The following SATB2 variants were observed in gnomAD, a reference collection of about 807,000 sequenced individuals.
The protein encoded by SATB2 is SATB homeobox 2.
A neutral mutation model predicts 73.4 loss-of-function variants in SATB2; 1 was observed. That is an observed-to-expected ratio of 0.01 (90% CI 0.00 to 0.06). The LOEUF is 0.06. Ranked by LOEUF, SATB2 falls within the 10% of genes least tolerant of loss-of-function variation. SATB2 has a pLI of 1.00. For synonymous variants in SATB2, 397 were observed against 367.0 expected (o/e 1.08, Z -0.93); for missense variants, 459 against 945.8 (o/e 0.49, Z 6.75).
rs1689082190 is a variant in SATB2, at chr2:199,359,652, T to G, written c.700+8953A>C. On this transcript the variant is annotated intron_variant, in intron 6 of 10. Transcript: ENST00000417098. ...AATATTTACTAAGTATTCACTGTGT[T>G]TAAGGCCTCATGCTCACAGGACTCT... is the stretch of plus-strand genomic sequence containing the variant. Among the ~76,000 whole-genome samples, 3 of 152,312 alleles carry G rather than the reference T, an allele frequency of 2.0e-5. No homozygotes were observed. In the South Asian group the frequency reaches 6.2e-4, roughly 32 times the overall value.
rs1172471732 is a variant in SATB2 at position 199,463,916 on chromosome 2, C to T, written c.-141+920G>A. ...CTCAGGCAGCCGGGTGCAAGGGGGC[C>T]CAAACCGCAGTTGCCTCCCGAACGC... On this transcript the variant is annotated intron_variant, in intron 1 of 11. Coordinates refer to the SATB2 transcript ENST00000260926. This position sits in a 1 kb window ranked among gnomAD's most constrained non-coding sequence, Gnocchi z 6.4. 6.6e-6 allele frequency among the ~76,000 whole-genome samples: 1 copy of T among 152,166 alleles called. No individual in the cohort carries two copies. The highest frequency in any genetic ancestry group is 2.4e-5 in the African/African-American group (1 of 41,444).
intron 10 of SATB2, among the ~76,000 whole-genome samples, chr2:199,301,701 T>C (rs1687294721): frequency 6.6e-6 from 1 of 152,022 alleles, no homozygotes; most frequent in Admixed American, 6.6e-5. Flanking sequence ...TAAAAAGTCA[T>C]GAGGTAGAGC....
intron 2 of SATB2, among the ~76,000 whole-genome samples, chr2:199,438,643 C>A (rs1303950383): frequency 6.6e-6 from 1 of 152,142 alleles, no homozygotes; most frequent in Non-Finnish European, 1.5e-5. Context: ...AATGTTTAAC[C>A]CAACAATGAA....
In SATB2 at chr2:199,308,574, G is replaced by GCACACACA. The variant is rs777414801; in HGVS notation, c.1740+178_1740+185dup. Among the ~76,000 whole-genome samples, 1 of 150,276 alleles carries GCACACACA rather than the reference G, an allele frequency of 6.7e-6. No individual in the cohort carries two copies. The highest frequency in any genetic ancestry group is 2.5e-5 in the African/African-American group (1 of 40,438). On this transcript the variant is annotated intron_variant, in intron 10 of 10. Transcript: ENST00000417098. The surrounding 1 kb of genome is among the most constrained non-coding windows in gnomAD (Gnocchi z 4.6). ...TACACACACACACACGCACGCACAT[G>GCACACACA]CACACACACACACATACACATACAC...
rs10189406 is a variant in SATB2, at chr2:199,359,857, C to T, written c.700+8748G>A. ...GTTAGAACTCATAGTCTGATTTGTA[C>T]TCTAGATGATTATAGATTCATGTCT... is the stretch of plus-strand genomic sequence containing the variant. On this transcript the variant is annotated intron_variant, in intron 6 of 10. Coordinates refer to ENST00000417098, the MANE Select transcript of SATB2 (RefSeq NM_001172509.2). Among the ~76,000 whole-genome samples the T allele has an allele frequency of 6.3e-3, 960 of 152,250 alleles. 17 individuals carry two copies. The highest frequency in any genetic ancestry group is 0.022 in the African/African-American group (919 of 41,542).
chr2:199,343,905 G>A (rs1688577218), intron 7 of SATB2, among the ~76,000 whole-genome samples: 1 of 152,040 alleles, frequency 6.6e-6, no homozygotes, highest in Non-Finnish European at 1.5e-5. Context: ...TTATAACTTG[G>A]CACTTGAAAG....
At chr2:199,387,702 C>A (rs1395436975) in intron 3 of SATB2, among the ~76,000 whole-genome samples, 1 of 152,114 alleles carries the variant, frequency 6.6e-6, no homozygotes, top group East Asian at 1.9e-4. Context: ...CCGTCTATAT[C>A]CAGACAAATC....
upstream of SATB2, chr2:199,467,344 AAG>A (rs1244027746): frequency 6.6e-6 from 1 of 152,292 alleles, no homozygotes; most frequent in Admixed American, 6.5e-5. Flanking sequence ...CGTGGCGAAA[AAG>A]GGGGAGGCAA....
At chr2:199,417,031 GTC>G (rs1177456541) in intron 3 of SATB2, among the ~76,000 whole-genome samples, 20 of 90,496 alleles carry the variant, frequency 2.2e-4, no homozygotes, top group African/African-American at 6.1e-4. Flanking sequence ...GTGAGACTCC[GTC>G]TCTCACACAC....
chr2:199,422,313 T>C (rs1691196746), intron 3 of SATB2, among the ~76,000 whole-genome samples: 1 of 151,512 alleles, frequency 6.6e-6, no homozygotes, highest in African/African-American at 2.4e-5. Context: ...TTTTTTTTTT[T>C]GTAATTAACA....
intron 3 of SATB2, among the ~76,000 whole-genome samples, chr2:199,402,512 G>A (rs1168805930): frequency 1.3e-5 from 2 of 152,140 alleles, no homozygotes; most frequent in African/African-American, 2.4e-5. Context: ...AGCTGAGATC[G>A]AGATCGTAGC....
At position 199,349,180 on chromosome 2, in the gene SATB2, A is replaced by G. The variant is rs751201960; in HGVS notation, c.701-7T>C. 1 of 1,588,610 alleles carries G rather than the reference A, an allele frequency of 6.3e-7. No individual in the cohort carries two copies. Among genetic ancestry groups the G allele is most frequent in the South Asian group, 1.1e-5 (1 of 89,950 alleles). ...TCTCGTTCCACTCTTTCCACTGTTA[A>G]GAGATAAAAGTGATAATTAATCATT... On this transcript the variant is annotated splice_polypyrimidine_tract_variant and splice_region_variant and intron_variant, in intron 6 of 10. Transcript: ENST00000417098.
intron 6 of SATB2, among the ~76,000 whole-genome samples, chr2:199,360,624 C>T (rs1689110918): frequency 6.6e-6 from 1 of 152,166 alleles, no homozygotes; most frequent in Non-Finnish European, 1.5e-5. Context: ...TTCAAAGGCA[C>T]TGCATTATCT....
intron 3 of SATB2, among the ~76,000 whole-genome samples, chr2:199,389,094 G>A (rs1690045447): frequency 1.3e-5 from 2 of 152,078 alleles, no homozygotes; most frequent in African/African-American, 4.8e-5. Flanking sequence ...TGGCCTGACT[G>A]TGGTATATCA....
upstream of SATB2, among the ~76,000 whole-genome samples, chr2:199,459,250 G>A (rs1162730549): frequency 1.3e-5 from 2 of 152,076 alleles, no homozygotes; most frequent in East Asian, 2.0e-4. The surrounding 1 kb of genome is among the most constrained non-coding windows in gnomAD (Gnocchi z 4.2). Flanking sequence ...CCGCCCGGGG[G>A]GAGGCCGCAC....
rs1055188143 is a variant in SATB2, at chr2:199,388,795, C to G, written c.347-6975G>C. Among the ~76,000 whole-genome samples the G allele has an allele frequency of 3.9e-5, 6 of 152,090 alleles. No individual in the cohort carries two copies. The South Asian group carries it at 1.2e-3, about 32-fold the overall frequency. On this transcript the variant is annotated intron_variant, in intron 3 of 10. Transcript: ENST00000417098. ...AAACCCCAGCCTTAGAAGAACTAAG[C>G]CTTGGGGCTTCTGGTTCTCGGTATT...
At chr2:199,315,766 C>T (rs532500706) in intron 9 of SATB2, among the ~76,000 whole-genome samples, 19 of 152,196 alleles carry the variant, frequency 1.2e-4, no homozygotes, top group Non-Finnish European at 2.1e-4. Flanking sequence ...TAACTTTACC[C>T]CTGTTGAATA....
At position 199,308,561 on chromosome 2, in the gene SATB2, CACGCACGCACATGCACACACACACACAT is replaced by C. The variant is rs957741769; in HGVS notation, c.1740+171_1740+198del. The stretch of plus-strand genomic sequence containing the variant: ...CTTTGTGTGTGCATACACACACACA[CACGCACGCACATGCACACACACACACAT>C]ACACATACACACAGTACCCACTGTG... On this transcript the variant is annotated intron_variant, in intron 10 of 10. Coordinates refer to ENST00000417098, the MANE Select transcript of SATB2 (RefSeq NM_001172509.2). This position sits in a 1 kb window ranked among gnomAD's most constrained non-coding sequence, Gnocchi z 4.6. Among the ~76,000 whole-genome samples the C allele has an allele frequency of 6.6e-6, 1 of 151,424 alleles. No homozygotes were observed. Among genetic ancestry groups the C allele is most frequent in the Non-Finnish European group, 1.5e-5 (1 of 68,028 alleles).
intron 3 of SATB2, among the ~76,000 whole-genome samples, chr2:199,408,598 CT>C (rs1414719380): frequency 6.7e-6 from 1 of 148,550 alleles, no homozygotes; most frequent in African/African-American, 2.5e-5. Context: ...ACCGCAATTA[CT>C]TTTGCAACAA....
Sources: allele counts gnomAD v4.1 joint callset (sites outside exome capture counted in the v4.1 genomes callset), GRCh38; gene constraint gnomAD v4.1.1; non-coding constraint Gnocchi (gnomAD v3.1); transcripts MANE v1.5; gene names NCBI Gene and HGNC (gene_info 2026-07-23, HGNC 2026-07-21).